SCHIP1: variants seen among roughly 807,000 people sequenced by gnomAD.
SCHIP1 encodes the protein schwannomin-interacting protein 1.
A neutral mutation model predicts 29.7 loss-of-function variants in SCHIP1; 8 were observed. That is an observed-to-expected ratio of 0.27 (90% CI 0.16 to 0.49). The LOEUF (loss-of-function observed/expected upper bound fraction) is 0.49. Ranked by LOEUF, SCHIP1 falls within the 20% of genes least tolerant of loss-of-function variation. The pLI is 0.99. For missense variants in SCHIP1, 193 were observed against 294.6 expected, an observed-to-expected ratio of 0.66 and a Z score of 2.52; for synonymous variants, 76 against 94.9, an observed-to-expected ratio of 0.80 and a Z score of 1.16.
the SCHIP1 span, chr3:159,273,862 C>T: frequency 1.2e-6 from 2 of 1,613,522 alleles, no homozygotes; most frequent in East Asian, 4.5e-5. Context: ...GGGACTGTGA[C>T]CAGGGCAAGC....
At chr3:159,528,517 C>T in the SCHIP1 span, among the ~76,000 whole-genome samples, 3 of 152,236 alleles carry the variant, frequency 2.0e-5, no homozygotes, top group South Asian at 6.2e-4. Context: ...CTCTGCCTCT[C>T]TCATGTAGTC....
the SCHIP1 span, among the ~76,000 whole-genome samples, chr3:159,347,407 A>C: frequency 6.6e-6 from 1 of 152,220 alleles, no homozygotes; most frequent in South Asian, 2.1e-4. Context: ...TGGGTGAACT[A>C]CTTAACCTCT....
chr3:159,683,491 G>A, the SCHIP1 span, among the ~76,000 whole-genome samples: 3 of 151,882 alleles, frequency 2.0e-5, no homozygotes, highest in Non-Finnish European at 4.4e-5. Flanking sequence ...GATTTTTCGT[G>A]CCATTCTTTC....
the SCHIP1 span, among the ~76,000 whole-genome samples, chr3:159,662,355 TGAGAA>T: frequency 1.8e-4 from 27 of 152,336 alleles, no homozygotes; most frequent in African/African-American, 6.0e-4. Flanking sequence ...ATTGCCTTGC[TGAGAA>T]AATTAAATTT....
At chr3:159,854,419 C>T (rs1713065500) in intron 1 of SCHIP1, among the ~76,000 whole-genome samples, 1 of 152,120 alleles carries the variant, frequency 6.6e-6, no homozygotes, top group Admixed American at 6.5e-5. Flanking sequence ...TAAGTATATA[C>T]TGTACTTCCT....
the SCHIP1 span, among the ~76,000 whole-genome samples, chr3:159,474,639 G>A: frequency 4.6e-5 from 7 of 152,040 alleles, no homozygotes; most frequent in East Asian, 1.9e-4. Context: ...ATGCCCACAG[G>A]AGCCAGACAG....
the SCHIP1 span, among the ~76,000 whole-genome samples, chr3:159,626,300 A>ATTGAT: frequency 7.6e-6 from 1 of 131,500 alleles, no homozygotes; most frequent in South Asian, 2.3e-4. Flanking sequence ...AGATAGATAG[A>ATTGAT]TTTTTTTTTA....
chr3:159,334,498 G>T, the SCHIP1 span, among the ~76,000 whole-genome samples: 4 of 152,082 alleles, frequency 2.6e-5, no homozygotes, highest in Admixed American at 6.6e-5. Context: ...CACATGCATA[G>T]ATTCAGGTAA....
At chr3:159,811,980 G>GTTT in the SCHIP1 span, among the ~76,000 whole-genome samples, 32,456 of 134,116 alleles carry the variant, frequency 0.24, 3,663 homozygotes, top group Middle Eastern at 0.33. Flanking sequence ...TTTTGTTTTT[G>GTTT]TTTTTTTTTT....
At chr3:159,345,716 T>C in the SCHIP1 span, among the ~76,000 whole-genome samples, 1 of 152,100 alleles carries the variant, frequency 6.6e-6, no homozygotes, top group Non-Finnish European at 1.5e-5. Flanking sequence ...ATGGCACTTC[T>C]GGCAAAAGAA....
chr3:159,742,498 C>T, the SCHIP1 span, among the ~76,000 whole-genome samples: 1 of 151,982 alleles, frequency 6.6e-6, no homozygotes, highest in Non-Finnish European at 1.5e-5. Context: ...GTTAGGAACT[C>T]ACTTATTTTT....
Position 159,892,417 on chromosome 3 carries a change from C to T in SCHIP1, c.683+227C>T. 6 of 604,990 alleles carry T rather than the reference C, an allele frequency of 9.9e-6. No homozygotes were observed. The South Asian group carries it at 1.2e-4, about 12-fold the overall frequency. The allele number at this position is 604,990 out of a possible 1,614,324, so 37.5% of individuals were successfully genotyped here. On this transcript the variant is annotated intron_variant, in intron 6 of 6. Coordinates refer to ENST00000445224, the Ensembl canonical transcript of SCHIP1. The stretch of plus-strand genomic sequence containing the variant: ...CCCCCCTTGTGATGAATTGTCAGTG[C>T]ATTACTTCTCACATCTCCGCCTAAA...
At chr3:159,850,476 C>T (rs192442858) in intron 1 of SCHIP1, among the ~76,000 whole-genome samples, 208 of 147,104 alleles carry the variant, frequency 1.4e-3, no homozygotes, top group Middle Eastern at 0.012. Flanking sequence ...ATCACTTGAA[C>T]CTGGGAGGCA....
the SCHIP1 span, among the ~76,000 whole-genome samples, chr3:159,650,400 G>A: frequency 6.6e-6 from 1 of 152,104 alleles, no homozygotes; most frequent in African/African-American, 2.4e-5. Context: ...AATTGTTGTA[G>A]AAGTTACGTA....
the SCHIP1 span, among the ~76,000 whole-genome samples, chr3:159,393,845 A>T: frequency 5.3e-5 from 8 of 152,140 alleles, no homozygotes; most frequent in Admixed American, 2.0e-4. Context: ...TGCCAATTCC[A>T]TGAAGAAAGT....
chr3:159,886,507 T>G, intron 3 of SCHIP1, 183 bp downstream of exon 4: 1 of 540,708 alleles, frequency 1.8e-6, no homozygotes. Context: ...AAAATAGAGA[T>G]ATATAAGCTT....
chr3:159,596,976 C>T, the SCHIP1 span, among the ~76,000 whole-genome samples: 22 of 143,592 alleles, frequency 1.5e-4, no homozygotes, highest in African/African-American at 6.2e-4. Context: ...AGAACAAAAG[C>T]ATCTTTAAAA....
At chr3:159,337,725 C>CACCAAGA in the SCHIP1 span, among the ~76,000 whole-genome samples, 1 of 152,134 alleles carries the variant, frequency 6.6e-6, no homozygotes, top group Non-Finnish European at 1.5e-5. Flanking sequence ...CAAATTGTTC[C>CACCAAGA]ACCAAGAAAT....
chr3:159,378,209 T>C, the SCHIP1 span, among the ~76,000 whole-genome samples: 3 of 152,316 alleles, frequency 2.0e-5, no homozygotes, highest in South Asian at 6.2e-4. Context: ...CCAGGCAGTA[T>C]TGAAGGTTAA....
Sources: allele counts gnomAD v4.1 joint callset (sites outside exome capture counted in the v4.1 genomes callset), GRCh38; gene constraint gnomAD v4.1.1; transcripts MANE v1.5; gene names NCBI Gene and HGNC (gene_info 2026-07-23, HGNC 2026-07-21).